The following LOC128092252 variants were observed in gnomAD, a reference collection of about 807,000 sequenced individuals.
chr15:50,649,284 A>T, the LOC128092252 span, among the ~76,000 whole-genome samples: 6 of 152,094 alleles, frequency 3.9e-5, no homozygotes, highest in African/African-American at 7.2e-5. Context: ...AAAAAATTTT[A>T]AAAAATTAGG....
chr15:50,681,294 A>ACACACACACACACACACACACAC, the LOC128092252 span, among the ~76,000 whole-genome samples: 1 of 101,912 alleles, frequency 9.8e-6, no homozygotes, highest in Non-Finnish European at 2.0e-5. Context: ...CACACACACA[A>ACACACACACACACACACACACAC]AGCATTCAGA....
the LOC128092252 span, among the ~76,000 whole-genome samples, chr15:50,667,750 T>G: frequency 7.9e-5 from 12 of 152,250 alleles, no homozygotes; most frequent in Non-Finnish European, 1.5e-4. Flanking sequence ...AAAATAAAAT[T>G]GGATCAATTT....
At chr15:50,686,418 AG>A in the LOC128092252 span, 1 of 1,565,860 alleles carries the variant, frequency 6.4e-7, no homozygotes, top group Non-Finnish European at 8.8e-7. Context: ...AGGCAATTCG[AG>A]GGTCCTTCGC....
At chr15:50,651,678 A>G in the LOC128092252 span, among the ~76,000 whole-genome samples, 1 of 151,968 alleles carries the variant, frequency 6.6e-6, no homozygotes, top group East Asian at 1.9e-4. Context: ...ACTGTGGGAA[A>G]AGAATATGAG....
chr15:50,673,450 T>G, the LOC128092252 span, among the ~76,000 whole-genome samples: 1 of 152,092 alleles, frequency 6.6e-6, no homozygotes, highest in Non-Finnish European at 1.5e-5. Context: ...GTCCCCAAAG[T>G]CCATTGTGTC....
the LOC128092252 span, among the ~76,000 whole-genome samples, chr15:50,652,078 A>G: frequency 1.3e-5 from 2 of 151,930 alleles, no homozygotes; most frequent in African/African-American, 4.8e-5. Flanking sequence ...CATGCCTGTA[A>G]TCCCAGCACT....
At chr15:50,676,632 C>T in the LOC128092252 span, among the ~76,000 whole-genome samples, 1 of 151,874 alleles carries the variant, frequency 6.6e-6, no homozygotes, top group African/African-American at 2.4e-5. Context: ...AAGCAGAAAC[C>T]AGACGGAGTC....
At chr15:50,682,173 C>CAGAAAAAAAAAAAAA in the LOC128092252 span, among the ~76,000 whole-genome samples, 1 of 63,684 alleles carries the variant, frequency 1.6e-5, no homozygotes, top group Non-Finnish European at 2.8e-5. Context: ...AACTCAGTCT[C>CAGAAAAAAAAAAAAA]AAAAAAAAAA....
the LOC128092252 span, among the ~76,000 whole-genome samples, chr15:50,653,563 T>C: frequency 1.3e-5 from 2 of 152,088 alleles, no homozygotes; most frequent in South Asian, 4.1e-4. Context: ...ATCCTTGAAA[T>C]GAGGGAAACA....
chr15:50,654,736 C>A, the LOC128092252 span, among the ~76,000 whole-genome samples: 1 of 150,830 alleles, frequency 6.6e-6, no homozygotes, highest in African/African-American at 2.4e-5. Flanking sequence ...CAGTGGCTCA[C>A]GCCTGTAATC....
chr15:50,658,409 CA>C, the LOC128092252 span, among the ~76,000 whole-genome samples: 44 of 143,476 alleles, frequency 3.1e-4, no homozygotes, highest in Admixed American at 3.5e-4. Context: ...TCCGTCTCTA[CA>C]AAAAAAAAAA....
At chr15:50,656,316 T>C in the LOC128092252 span, among the ~76,000 whole-genome samples, 16 of 152,010 alleles carry the variant, frequency 1.1e-4, no homozygotes, top group Non-Finnish European at 1.6e-4. Context: ...TTTTTTTTTC[T>C]GGAGACAGGG....
the LOC128092252 span, among the ~76,000 whole-genome samples, chr15:50,659,184 C>G: frequency 6.8e-6 from 1 of 147,354 alleles, no homozygotes; most frequent in African/African-American, 2.5e-5. Context: ...CAGAGCGAGA[C>G]TCCGTCTCAA....
the LOC128092252 span, among the ~76,000 whole-genome samples, chr15:50,662,668 A>T: frequency 6.6e-6 from 1 of 151,942 alleles, no homozygotes; most frequent in African/African-American, 2.4e-5. Context: ...AAAATAAGAG[A>T]GTCTTAACTG....
the LOC128092252 span, among the ~76,000 whole-genome samples, chr15:50,685,234 G>T: frequency 2.2e-4 from 33 of 152,340 alleles, no homozygotes; most frequent in East Asian, 6.4e-3. Context: ...GGGCTGAGGC[G>T]GGCGGATCAC....
the LOC128092252 span, among the ~76,000 whole-genome samples, chr15:50,676,180 C>T: frequency 1.3e-5 from 2 of 152,124 alleles, no homozygotes; most frequent in African/African-American, 2.4e-5. Context: ...CTAAGCACAC[C>T]TTACTCTCTA....
chr15:50,679,527 TATATATATA>T, the LOC128092252 span, among the ~76,000 whole-genome samples: 7 of 49,972 alleles, frequency 1.4e-4, 1 homozygote, highest in Admixed American at 5.3e-4. Flanking sequence ...TATATATATA[TATATATATA>T]TATTTTTTTT....
the LOC128092252 span, among the ~76,000 whole-genome samples, chr15:50,678,248 AAAAC>A: frequency 4.8e-5 from 6 of 126,076 alleles, no homozygotes; most frequent in African/African-American, 1.8e-4. Context: ...TCAAAAAAAA[AAAAC>A]AAAAACAAAA....
chr15:50,652,918 T>C, the LOC128092252 span, among the ~76,000 whole-genome samples: 9 of 152,136 alleles, frequency 5.9e-5, no homozygotes, highest in African/African-American at 1.9e-4. Context: ...TCCCAGCACT[T>C]TGAGAGGCCA....
Sources: allele counts gnomAD v4.1 joint callset (sites outside exome capture counted in the v4.1 genomes callset), GRCh38; gene constraint gnomAD v4.1.1; transcripts MANE v1.5.